Variants in ADGRL2 observed in about 807,000 individuals in gnomAD.
The protein encoded by ADGRL2 is calcium-independent alpha-latrotoxin receptor 2.
A neutral mutation model predicts 157.4 loss-of-function variants in ADGRL2; 44 were observed. The ratio of observed to expected loss-of-function variants is 0.28; its 90% CI spans 0.22 to 0.36. The LOEUF (loss-of-function observed/expected upper bound fraction) is 0.36. Among genes scored for constraint, ADGRL2 ranks in the 10% least tolerant of loss-of-function variants. The pLI is 1.00. For synonymous variants in ADGRL2, 585 were observed against 624.7 expected (o/e 0.94, Z 0.95); for missense variants, 1,510 against 1,768.9 (o/e 0.85, Z 2.63).
At chr1:81,707,265 A>T (rs780106706) in intron 1 of ADGRL2, among the ~76,000 whole-genome samples, 1 of 152,134 alleles carries the variant, frequency 6.6e-6, no homozygotes, top group Non-Finnish European at 1.5e-5. Flanking sequence ...CATAAATCAC[A>T]ATCAGGCTCT....
chr1:81,511,819 T>G (rs927260908), intron 2 of ADGRL2, among the ~76,000 whole-genome samples: 1 of 152,106 alleles, frequency 6.6e-6, no homozygotes, highest in Non-Finnish European at 1.5e-5. Context: ...CTTTAAACAC[T>G]TATGAAGTGT....
At chr1:81,562,038 A>AT (rs1281105818) in intron 2 of ADGRL2, among the ~76,000 whole-genome samples, 1 of 152,312 alleles carries the variant, frequency 6.6e-6, no homozygotes, top group Non-Finnish European at 1.5e-5. Context: ...TAAAACTCTA[A>AT]TTTTTAAGGT....
At chr1:81,606,720 C>A (rs1360714579) in intron 3 of ADGRL2, among the ~76,000 whole-genome samples, 1 of 151,422 alleles carries the variant, frequency 6.6e-6, no homozygotes, top group Non-Finnish European at 1.5e-5. Context: ...AAAGCACATG[C>A]AGATAAATTT....
At chr1:81,812,137 A>G (rs1395792039) in intron 1 of ADGRL2, among the ~76,000 whole-genome samples, 1 of 151,842 alleles carries the variant, frequency 6.6e-6, no homozygotes, top group Admixed American at 6.6e-5. Context: ...TAGTATTTCT[A>G]TAAAATGGTG....
At chr1:81,850,847 C>T (rs1027983423) in intron 2 of ADGRL2, among the ~76,000 whole-genome samples, 1 of 151,710 alleles carries the variant, frequency 6.6e-6, no homozygotes, top group African/African-American at 2.4e-5. Flanking sequence ...CTCTTTACAC[C>T]TCCTTTATAT....
chr1:81,726,126 G>C (rs1248888712), intron 1 of ADGRL2, among the ~76,000 whole-genome samples: 1 of 152,168 alleles, frequency 6.6e-6, no homozygotes, highest in African/African-American at 2.4e-5. Flanking sequence ...CTTCTGTACA[G>C]TGTCCACTCT....
At chr1:81,681,452 G>A (rs2148954938) in intron 3 of ADGRL2, among the ~76,000 whole-genome samples, 1 of 152,328 alleles carries the variant, frequency 6.6e-6, no homozygotes, top group Admixed American at 6.5e-5. Flanking sequence ...AGCAATATGT[G>A]TGGATAAAGT....
chr1:81,845,433 T>C (rs188763050), intron 2 of ADGRL2, among the ~76,000 whole-genome samples: 2 of 152,180 alleles, frequency 1.3e-5, no homozygotes, highest in African/African-American at 4.8e-5. Context: ...TAAACCTATG[T>C]GCACACATTG....
intron 5 of ADGRL2, chr1:81,942,728 T>C (rs1412698818): frequency 1.9e-6 from 1 of 539,706 alleles, no homozygotes; most frequent in East Asian, 3.4e-5. Flanking sequence ...CACTTATAAA[T>C]GATCTTAAAC....
chr1:81,785,056 A>G (rs932660441), intron 2 of ADGRL2, among the ~76,000 whole-genome samples: 30 of 152,152 alleles, frequency 2.0e-4, no homozygotes, highest in Non-Finnish European at 4.1e-4. Context: ...GAAAATTTCT[A>G]TTACGAAGGG....
At position 81,960,064 on chromosome 1, in the gene ADGRL2, C is replaced by T. The variant is rs186256662; in HGVS notation, c.2017+4004C>T. 7.4e-4 allele frequency among the ~76,000 whole-genome samples: 112 copies of T among 152,030 alleles called. 2 individuals carry two copies. Among genetic ancestry groups the T allele is most frequent in the African/African-American group, 2.6e-3 (109 of 41,498 alleles). On this transcript the variant is annotated intron_variant, in intron 11 of 23. Transcript: ENST00000686636. ...ATCCACCCACCTTGGCCTCCCAAAG[C>T]GCTGGGATTACAGGCATGAACCACC...
rs183761733 is a variant in ADGRL2, at chr1:81,926,060, C to T, written c.288-10668C>T. Among the ~76,000 whole-genome samples, 155 of 151,882 alleles carry T rather than the reference C, an allele frequency of 1.0e-3. 1 individual carries two copies. Among genetic ancestry groups the T allele is most frequent in the African/African-American group, 3.6e-3 (148 of 41,482 alleles). ...TTATTTCAAACTCTAATCCTCTGAGCGGGTAATTAACAGACCAGAAAAGCC... is the reference window on the plus strand; with the variant it reads ...TTATTTCAAACTCTAATCCTCTGAGTGGGTAATTAACAGACCAGAAAAGCC... On this transcript the variant is annotated intron_variant, in intron 3 of 23. Coordinates refer to ENST00000686636, the MANE Select transcript of ADGRL2 (RefSeq NM_001366006.2).
intron 3 of ADGRL2, among the ~76,000 whole-genome samples, chr1:81,687,119 T>G (rs2083244810): frequency 6.6e-6 from 1 of 152,222 alleles, no homozygotes; most frequent in South Asian, 2.1e-4. Flanking sequence ...CTGTTGTTGT[T>G]GGATGAAATG....
chr1:81,444,190 T>G (rs772796581), intron 1 of ADGRL2, among the ~76,000 whole-genome samples: 3 of 152,226 alleles, frequency 2.0e-5, no homozygotes, highest in Non-Finnish European at 2.9e-5. Flanking sequence ...TTTGAACCTT[T>G]TAATCACTGG....
At chr1:81,369,247 T>C (rs1208525312) in intron 1 of ADGRL2, among the ~76,000 whole-genome samples, 6 of 151,864 alleles carry the variant, frequency 4.0e-5, no homozygotes, top group Non-Finnish European at 8.8e-5. Context: ...AAAGAGAAAA[T>C]GCACAAGCAT....
At chr1:81,333,909 G>A (rs1661452505) in intron 1 of ADGRL2, among the ~76,000 whole-genome samples, 1 of 152,152 alleles carries the variant, frequency 6.6e-6, no homozygotes, top group African/African-American at 2.4e-5. Flanking sequence ...ACAAGAGTAT[G>A]GTCCCTAGAA....
chr1:81,417,339 G>C (rs190487199), intron 1 of ADGRL2, among the ~76,000 whole-genome samples: 207 of 151,986 alleles, frequency 1.4e-3, no homozygotes, highest in Non-Finnish European at 1.1e-3. Context: ...TATAATTTTG[G>C]TTCATTAACT....
At position 81,414,872 on chromosome 1, in the gene ADGRL2, A is replaced by G. The variant is rs184537930; in HGVS notation, c.-301-30164A>G. ...TATAATTCGATTTCACTCTCCTCCC[A>G]GTTGCAAAGGAAAATCTTTTGTCAT... On this transcript the variant is annotated intron_variant, in intron 1 of 24. Transcript: ENST00000370721. Among the ~76,000 whole-genome samples, 7 of 152,326 alleles carry G rather than the reference A, an allele frequency of 4.6e-5. No individual in the cohort carries two copies. The East Asian group carries it at 1.4e-3, about 29-fold the overall frequency.
chr1:81,374,578 G>GAAAAAAAAA (rs71242588), intron 1 of ADGRL2, among the ~76,000 whole-genome samples: 12 of 130,238 alleles, frequency 9.2e-5, no homozygotes, highest in Admixed American at 3.2e-4. Context: ...TCTCAAAAAA[G>GAAAAAAAAA]AAAAAAAAAA....
Sources: allele counts gnomAD v4.1 joint callset (sites outside exome capture counted in the v4.1 genomes callset), GRCh38; gene constraint gnomAD v4.1.1; transcripts MANE v1.5; gene names NCBI Gene and HGNC (gene_info 2026-07-23, HGNC 2026-07-21).